DCHS2: variants seen among roughly 807,000 people sequenced by gnomAD.
DCHS2 encodes protocadherin-23.
In DCHS2, 142 loss-of-function variants were observed where a neutral mutation model predicts 182.4. The ratio of observed to expected loss-of-function variants is 0.78; its 90% confidence interval spans 0.68 to 0.89. The LOEUF (loss-of-function observed/expected upper bound fraction) is 0.89, where lower values mean the gene tolerates loss of function less well. Ranked by LOEUF, DCHS2 falls within the 40% of genes least tolerant of loss-of-function variation. The pLI is 0.00. For synonymous variants in DCHS2, 1,740 were observed against 1,663.3 expected (o/e 1.05, Z -1.12); for missense variants, 4,319 against 4,198.6 (o/e 1.03, Z -0.79).
At chr4:154,242,885 A>G (rs1333799393) in intron 16 of DCHS2, 113 bp from the exon 17 acceptor site, 4 of 1,365,248 alleles carry the variant, frequency 2.9e-6, no homozygotes, top group Non-Finnish European at 3.8e-6. Flanking sequence ...AGCTACTTTT[A>G]TTTTTCTCTT....
At chr4:154,268,072 T>C (rs1195353008) in intron 14 of DCHS2, among the ~76,000 whole-genome samples, 1 of 152,260 alleles carries the variant, frequency 6.6e-6, no homozygotes, top group Non-Finnish European at 1.5e-5. Flanking sequence ...GGCCATGACT[T>C]TTGCATCGTG....
At position 154,389,127 on chromosome 4, in the gene DCHS2, G is replaced by A. The variant is rs1193973880; in HGVS notation, c.2053-11683C>T. 2.0e-5 allele frequency among the ~76,000 whole-genome samples: 3 copies of A among 152,106 alleles called. No homozygotes were observed. The East Asian group carries it at 5.8e-4, about 29-fold the overall frequency. ...GCCGTGGACAATAAGTAAATGAATG[G>A]CTGTGTTCCAGTAGAATTTTATTTA... On this transcript the variant is annotated intron_variant, in intron 1 of 19. Coordinates refer to ENST00000357232, the MANE Select transcript of DCHS2 (RefSeq NM_001358235.2).
In DCHS2 at chr4:154,320,717, A is replaced by G; in HGVS notation, c.4682T>C (p.Leu1561Pro). 1.9e-6 allele frequency: 3 copies of G among 1,614,104 alleles called. No homozygotes were observed. Among genetic ancestry groups the G allele is most frequent in the Non-Finnish European group, 2.5e-6 (3 of 1,180,016 alleles). Reference sequence around the variant, plus strand: ...TAGTGTGCCAAATGAGGGGTGGATGAGAAATGGATTCGTGCCAGGGTTGTG... The same window carrying G: ...TAGTGTGCCAAATGAGGGGTGGATGGGAAATGGATTCGTGCCAGGGTTGTG... ...ESHNPGTNPF[L>P]IHPSFGTLVT... is the part of the protein sequence containing the mutation. The change falls in exon 9 of 20, where the codon CTC (leucine) becomes CCC (proline). Residue 1561 changes from leucine to proline, a missense_variant. Leu to Pro is a moderately conservative substitution (Grantham distance 98). Transcript: ENST00000357232.
At chr4:154,265,773 A>T (rs1360962175) in intron 14 of DCHS2, among the ~76,000 whole-genome samples, 1 of 152,168 alleles carries the variant, frequency 6.6e-6, no homozygotes, top group Non-Finnish European at 1.5e-5. Flanking sequence ...AAAAAGAGAA[A>T]GGAAAAAAGA....
chr4:154,427,942 G>A (rs553825143), intron 1 of DCHS2, among the ~76,000 whole-genome samples: 1 of 152,334 alleles, frequency 6.6e-6, no homozygotes, highest in South Asian at 2.1e-4. Flanking sequence ...GAGCAAACAA[G>A]GTATAGATTA....
chr4:154,349,354 G>T (rs1281272847), intron 3 of DCHS2, among the ~76,000 whole-genome samples: 1 of 152,148 alleles, frequency 6.6e-6, no homozygotes, highest in East Asian at 1.9e-4. Flanking sequence ...TTTCTTGGAA[G>T]GTCAAATAGA....
chr4:154,251,366 A>T (rs1202301256), intron 16 of DCHS2, among the ~76,000 whole-genome samples: 2 of 151,592 alleles, frequency 1.3e-5, no homozygotes, highest in East Asian at 3.9e-4. Flanking sequence ...TGGCCAAACC[A>T]CTTTACCTCT....
intron 16 of DCHS2, among the ~76,000 whole-genome samples, chr4:154,248,924 C>A (rs1732215833): frequency 6.6e-6 from 1 of 152,076 alleles, no homozygotes; most frequent in Admixed American, 6.5e-5. Flanking sequence ...TTACCATATA[C>A]AAAAATTGAC....
intron 7 of DCHS2, chr4:154,322,994 T>A (rs1188006691): frequency 4.0e-6 from 2 of 494,408 alleles, no homozygotes; most frequent in Admixed American, 7.2e-5. Flanking sequence ...ATACTCTTTA[T>A]TTTTCTTGTT....
At chr4:154,423,062 T>A (rs868340068) in intron 1 of DCHS2, among the ~76,000 whole-genome samples, 1 of 152,218 alleles carries the variant, frequency 6.6e-6, no homozygotes, top group African/African-American at 2.4e-5. Context: ...ATATTTATTG[T>A]ATTGATTTAA....
chr4:154,439,033 A>T (rs1733890557), intron 1 of DCHS2, among the ~76,000 whole-genome samples: 1 of 152,198 alleles, frequency 6.6e-6, no homozygotes, highest in Non-Finnish European at 1.5e-5. Flanking sequence ...GACTTTTCAT[A>T]CAGAAGTGTT....
At chr4:154,335,198 G>A in intron 3 of DCHS2, 94 bp from the exon 4 acceptor site, 1 of 854,470 alleles carries the variant, frequency 1.2e-6, no homozygotes. Context: ...GTATTGTGAT[G>A]TTTTATTTTA....
chr4:154,445,966 G>C (rs574245070), intron 1 of DCHS2, among the ~76,000 whole-genome samples: 2 of 152,098 alleles, frequency 1.3e-5, no homozygotes, highest in Non-Finnish European at 2.9e-5. Flanking sequence ...ATCTCTCAGG[G>C]TACAATCAGA....
chr4:154,435,019 G>C (rs1231896961), intron 1 of DCHS2, among the ~76,000 whole-genome samples: 1 of 152,120 alleles, frequency 6.6e-6, no homozygotes, highest in Non-Finnish European at 1.5e-5. Context: ...GGACAAGAGG[G>C]AAAACTAGGG....
chr4:154,393,062 G>A (rs1306723640), intron 1 of DCHS2, among the ~76,000 whole-genome samples: 1 of 151,984 alleles, frequency 6.6e-6, no homozygotes, highest in African/African-American at 2.4e-5. Context: ...AGTTTTGTTA[G>A]TAGCTCATAT....
intron 15 of DCHS2, among the ~76,000 whole-genome samples, chr4:154,257,974 T>C (rs1732779849): frequency 6.6e-6 from 1 of 152,200 alleles, no homozygotes; most frequent in Non-Finnish European, 1.5e-5. Context: ...AGTTAGCATT[T>C]GGGACAGAGA....
chr4:154,301,214 G>A (rs1282896435), intron 12 of DCHS2, among the ~76,000 whole-genome samples: 1 of 152,180 alleles, frequency 6.6e-6, no homozygotes, highest in African/African-American at 2.4e-5. Context: ...TGATTTTAAT[G>A]CCTGGGAAGA....
At chr4:154,259,481 C>T in intron 15 of DCHS2, 64 bp downstream of exon 15, 2 of 1,569,540 alleles carry the variant, frequency 1.3e-6, no homozygotes, top group Admixed American at 1.7e-5. Context: ...TTCTCTCTCT[C>T]TCTCTCACAC....
In DCHS2 at chr4:154,374,510, T is replaced by C. The variant is rs764282824; in HGVS notation, c.2244+2743A>G. Among the ~76,000 whole-genome samples the C allele has an allele frequency of 7.9e-5, 12 of 152,364 alleles. No homozygotes were observed. The South Asian group carries it at 2.5e-3, about 32-fold the overall frequency. ...AATTAATATAAATTCTGTTTACTCC[T>C]ATTTTTTGTTTCCTACATATTTTCT... is the stretch of plus-strand genomic sequence containing the variant. On this transcript the variant is annotated intron_variant, in intron 2 of 19. Transcript: ENST00000357232.
Sources: gnomAD v4.1 joint callset for allele counts (sites outside exome capture counted in the v4.1 genomes callset) on GRCh38, gnomAD v4.1.1 for gene constraint, MANE v1.5 for transcripts, NCBI Gene and HGNC (gene_info 2026-07-23, HGNC 2026-07-21) for gene names.